CCSER1: variants seen among roughly 807,000 people sequenced by gnomAD.
CCSER1 encodes serine-rich coiled-coil domain-containing protein 1.
In CCSER1, 41 loss-of-function variants were observed where a neutral mutation model predicts 82.0. The observed-to-expected ratio is 0.50, with a 90% CI of 0.39 to 0.65. The LOEUF (loss-of-function observed/expected upper bound fraction) is 0.65, where lower values mean the gene tolerates loss of function less well. CCSER1 is among the 30% of genes least tolerant of loss of function. The pLI is 0.00. For missense variants in CCSER1, 1,119 were observed against 1,064.2 expected, an observed-to-expected ratio of 1.05 and a Z score of -0.72; for synonymous variants, 414 against 383.9, an observed-to-expected ratio of 1.08 and a Z score of -0.92.
At chr4:91,412,053 G>A (rs1397923184) in intron 10 of CCSER1, among the ~76,000 whole-genome samples, 1 of 152,044 alleles carries the variant, frequency 6.6e-6, no homozygotes, top group East Asian at 1.9e-4. Context: ...CCATCTGTAG[G>A]AAAAGAAAAG....
At chr4:90,484,333 C>T (rs566911652) in intron 5 of CCSER1, among the ~76,000 whole-genome samples, 14 of 152,242 alleles carry the variant, frequency 9.2e-5, no homozygotes, top group South Asian at 2.1e-4. Context: ...TCCTTTAGCT[C>T]GGAGTAGTTT....
chr4:91,342,114 T>C (rs1178393655), intron 10 of CCSER1, among the ~76,000 whole-genome samples: 1 of 152,174 alleles, frequency 6.6e-6, no homozygotes, highest in Non-Finnish European at 1.5e-5. Flanking sequence ...AATAGGAAAC[T>C]TCACTACACT....
intron 5 of CCSER1, among the ~76,000 whole-genome samples, chr4:90,489,207 TA>T (rs1767580337): frequency 6.6e-6 from 1 of 152,216 alleles, no homozygotes; most frequent in African/African-American, 2.4e-5. Context: ...ACAGGGTCAT[TA>T]ACACCAGTGT....
chr4:90,947,964 A>G (rs553441939), intron 9 of CCSER1, among the ~76,000 whole-genome samples: 1 of 152,180 alleles, frequency 6.6e-6, no homozygotes, highest in South Asian at 2.1e-4. Flanking sequence ...TGTATTTTCA[A>G]CCTTTAAGAT....
At chr4:91,213,219 TG>T (rs1234590471) in intron 10 of CCSER1, among the ~76,000 whole-genome samples, 13 of 152,122 alleles carry the variant, frequency 8.5e-5, no homozygotes, top group Admixed American at 2.0e-4. Flanking sequence ...TTTAATGTAA[TG>T]TCTCAACTTT....
chr4:90,653,245 T>A (rs1729111419), intron 6 of CCSER1, among the ~76,000 whole-genome samples: 1 of 152,156 alleles, frequency 6.6e-6, no homozygotes, highest in South Asian at 2.1e-4. Flanking sequence ...AACAGAGTAA[T>A]GAAGATAAAA....
chr4:91,145,436 G>C (rs1729445811), intron 10 of CCSER1, among the ~76,000 whole-genome samples: 1 of 152,080 alleles, frequency 6.6e-6, no homozygotes, highest in African/African-American at 2.4e-5. Context: ...TAAGTAGGGT[G>C]TTTAGACCAT....
chr4:90,436,674 T>C (rs574101761), intron 4 of CCSER1, among the ~76,000 whole-genome samples: 4 of 152,320 alleles, frequency 2.6e-5, no homozygotes, highest in Admixed American at 2.6e-4. Flanking sequence ...AATTGATTCA[T>C]CTGACACAAT....
intron 3 of CCSER1, among the ~76,000 whole-genome samples, chr4:90,314,992 A>G (rs566059692): frequency 4.6e-4 from 70 of 150,712 alleles, no homozygotes; most frequent in Non-Finnish European, 9.1e-4. Context: ...GATTACAGGC[A>G]CCTGCCACCA....
At chr4:91,024,206 A>C (rs1378120985) in intron 9 of CCSER1, among the ~76,000 whole-genome samples, 1 of 151,832 alleles carries the variant, frequency 6.6e-6, no homozygotes. Context: ...TTAGAGATTA[A>C]GTTTCAACAT....
At chr4:90,729,972 C>G (rs908536141) in intron 7 of CCSER1, among the ~76,000 whole-genome samples, 1 of 152,064 alleles carries the variant, frequency 6.6e-6, no homozygotes, top group African/African-American at 2.4e-5. Flanking sequence ...TTTTGTTATC[C>G]AAACCACCAC....
chr4:91,157,221 T>A (rs994678114), intron 10 of CCSER1, among the ~76,000 whole-genome samples: 1 of 152,046 alleles, frequency 6.6e-6, no homozygotes, highest in Non-Finnish European at 1.5e-5. Context: ...ACTTATGTTG[T>A]TGTTATTCGA....
intron 5 of CCSER1, among the ~76,000 whole-genome samples, chr4:90,549,377 G>GT (rs1777176810): frequency 6.6e-6 from 1 of 152,042 alleles, no homozygotes; most frequent in African/African-American, 2.4e-5. Flanking sequence ...AATGAAGAAA[G>GT]TAAGAAGTGC....
At chr4:90,984,831 G>C (rs1385201191) in intron 9 of CCSER1, among the ~76,000 whole-genome samples, 1 of 151,764 alleles carries the variant, frequency 6.6e-6, no homozygotes, top group Admixed American at 6.6e-5. Flanking sequence ...TCTGTACACA[G>C]TCAGACTTAG....
intron 9 of CCSER1, among the ~76,000 whole-genome samples, chr4:91,064,018 TTCTTA>T (rs1229293430): frequency 4.6e-5 from 7 of 152,348 alleles, no homozygotes; most frequent in Admixed American, 3.9e-4. Flanking sequence ...AAAAATAGTT[TTCTTA>T]TCTTTTCTTT....
chr4:91,540,102 C>T (rs981312965), intron 10 of CCSER1, among the ~76,000 whole-genome samples: 1 of 151,988 alleles, frequency 6.6e-6, no homozygotes, highest in Admixed American at 6.6e-5. Context: ...TTTTTATGCT[C>T]ATAGAAAATT....
chr4:91,052,613 G>A (rs75606445), intron 9 of CCSER1, among the ~76,000 whole-genome samples: 2,892 of 152,138 alleles, frequency 0.019, 69 homozygotes, highest in African/African-American at 0.063. Context: ...GACTTCTAGA[G>A]ATAATATTTA....
chr4:91,548,381 A>G (rs1322247931), intron 10 of CCSER1, among the ~76,000 whole-genome samples: 1 of 150,612 alleles, frequency 6.6e-6, no homozygotes, highest in Non-Finnish European at 1.5e-5. Context: ...GAAGGAATAT[A>G]TTTCTGTTAA....
chr4:91,500,718 T>G (rs1759164225), intron 10 of CCSER1, among the ~76,000 whole-genome samples: 1 of 152,034 alleles, frequency 6.6e-6, no homozygotes, highest in Admixed American at 6.6e-5. Context: ...TGCTTAGATT[T>G]TCCACATGAA....
Sources: allele counts gnomAD v4.1 joint callset (sites outside exome capture counted in the v4.1 genomes callset), GRCh38; gene constraint gnomAD v4.1.1; transcripts MANE v1.5; gene names NCBI Gene and HGNC (gene_info 2026-07-23, HGNC 2026-07-21).